Variants in CYB5RL observed in about 807,000 individuals in gnomAD.
CYB5RL encodes cytochrome b5 reductase like, also known as NADH-cytochrome b5 reductase-like.
In CYB5RL, 38 loss-of-function variants were observed where a neutral mutation model predicts 37.5. The ratio of observed to expected loss-of-function variants is 1.01; its 90% confidence interval spans 0.78 to 1.33. CYB5RL has a LOEUF of 1.33. CYB5RL is among the 40% of genes most tolerant of loss of function. CYB5RL has a pLI of 0.00. For synonymous variants in CYB5RL, 141 were observed against 151.9 expected, an observed-to-expected ratio of 0.93 and a Z score of 0.53; for missense variants, 388 against 394.4, an observed-to-expected ratio of 0.98 and a Z score of 0.14.
chr1:54,178,947 G>A (rs994013343), intron 7 of CYB5RL, among the ~76,000 whole-genome samples: 2 of 152,212 alleles, frequency 1.3e-5, no homozygotes, highest in Non-Finnish European at 2.9e-5. Flanking sequence ...CCGGTGGGCA[G>A]CTTCACCCAC....
chr1:54,184,029 T>C (rs1660231559), intron 6 of CYB5RL, 132 bp downstream of exon 6: 1 of 592,172 alleles, frequency 1.7e-6, no homozygotes, highest in East Asian at 3.1e-5. Flanking sequence ...TCTTCTCCCA[T>C]GTCCAACCCC....
At chr1:54,178,471 TC>T (rs1412887179) in intron 7 of CYB5RL, among the ~76,000 whole-genome samples, 1 of 151,814 alleles carries the variant, frequency 6.6e-6, no homozygotes, top group Non-Finnish European at 1.5e-5. Context: ...GGGCAGACAA[TC>T]CCCCATGCTC....
intron 7 of CYB5RL, among the ~76,000 whole-genome samples, chr1:54,175,326 C>G (rs1315487965): frequency 6.6e-6 from 1 of 152,216 alleles, no homozygotes; most frequent in Non-Finnish European, 1.5e-5. Context: ...GGGGATATGG[C>G]AGCTGCTCAG....
intron 7 of CYB5RL, chr1:54,175,656 A>T (rs761809076): frequency 2.2e-6 from 1 of 446,072 alleles, no homozygotes; most frequent in South Asian, 1.6e-5. Flanking sequence ...TGTGGATTCA[A>T]CCAACTGTGG....
Position 54,188,090 on chromosome 1 carries a change from A to G in CYB5RL, c.348-351T>C, listed in dbSNP as rs150288015. On this transcript the variant is annotated intron_variant, in intron 4 of 7. Coordinates refer to ENST00000534324, the MANE Select transcript of CYB5RL (RefSeq NM_001031672.4). ...AGACTCTGTCTCAAACAAACAAACA[A>G]CTGCAAATCCTTATGAGGTAACTCC... 8.1e-3 allele frequency among the ~76,000 whole-genome samples: 1,227 copies of G among 152,268 alleles called. 18 individuals carry two copies. The highest frequency in any genetic ancestry group is 0.028 in the African/African-American group (1,173 of 41,546).
rs1643997859 is a variant in CYB5RL, at chr1:54,195,421, G to A, written c.196C>T (p.Gln66Ter). The change falls in exon 3 of 8, where the codon CAG becomes TAG. Residue 66 changes from glutamine to a stop codon, truncating the protein, a stop_gained and splice_region_variant. Transcript: ENST00000534324. LOFTEE classifies it high-confidence loss of function. ...TATCGAGAAGCAGCCTCTCTCACCT[G>A]TGACTCTGGCCCACGCAGCAGGCTC... ...DRSLLRGPES[Q>*]SCPSKLNPET... 2.5e-6 allele frequency: 4 copies of A among 1,588,390 alleles called. No homozygotes were observed. The highest frequency in any genetic ancestry group is 3.4e-6 in the Non-Finnish European group (4 of 1,163,074).
At chr1:54,190,295 C>T (rs1643939123) in intron 4 of CYB5RL, among the ~76,000 whole-genome samples, 1 of 152,204 alleles carries the variant, frequency 6.6e-6, no homozygotes, top group Non-Finnish European at 1.5e-5. Context: ...GCTGGGCAAG[C>T]CCTTTATTCT....
At chr1:54,197,302 T>C (rs1475270073) in intron 1 of CYB5RL, among the ~76,000 whole-genome samples, 1 of 145,554 alleles carries the variant, frequency 6.9e-6, no homozygotes, top group African/African-American at 2.6e-5. Flanking sequence ...AACACTTTTC[T>C]TTTTCTTTTC....
chr1:54,181,127 T>G (rs1182352749), intron 6 of CYB5RL, among the ~76,000 whole-genome samples: 1 of 152,248 alleles, frequency 6.6e-6, no homozygotes. Context: ...GCTGTGTCTG[T>G]GCTCTCTCCA....
chr1:54,171,530 C>T lies in CYB5RL; in HGVS notation c.*3089G>A, dbSNP rs965481742. On this transcript the variant is annotated 3_prime_UTR_variant, in exon 8 of 8. Coordinates refer to ENST00000534324, the MANE Select transcript of CYB5RL (RefSeq NM_001031672.4). ...GTGAGGGCTGAACTAAAGCCAATGCCGCTTCTGCGACCAAGAATCTGTCCT... is the reference window on the plus strand; with the variant it reads ...GTGAGGGCTGAACTAAAGCCAATGCTGCTTCTGCGACCAAGAATCTGTCCT... 2.4e-5 allele frequency: 10 copies of T among 421,394 alleles called. No homozygotes were observed. The highest frequency in any genetic ancestry group is 8.4e-5 in the South Asian group (5 of 59,456). 26.1% of individuals were successfully genotyped at this position (421,394 alleles called of 1,614,324 possible). A position where few individuals can be genotyped will look rare whatever the true frequency, so the allele number is the denominator to read the frequency against.
chr1:54,188,047 G>C (rs1001135007), intron 4 of CYB5RL, among the ~76,000 whole-genome samples: 3 of 152,192 alleles, frequency 2.0e-5, no homozygotes. Flanking sequence ...CTGCACTCCA[G>C]CCTGGGCAAA....
At chr1:54,199,653 G>A (rs1014480458) in intron 1 of CYB5RL, among the ~76,000 whole-genome samples, 9 of 152,182 alleles carry the variant, frequency 5.9e-5, no homozygotes, top group African/African-American at 2.2e-4. Flanking sequence ...GGCGAATTGG[G>A]AAATCCAGAG....
intron 5 of CYB5RL, among the ~76,000 whole-genome samples, chr1:54,186,635 G>A (rs1034243449): frequency 2.0e-5 from 3 of 152,158 alleles, no homozygotes; most frequent in East Asian, 1.9e-4. Context: ...AACACACCCC[G>A]ACAAGCAGCC....
At chr1:54,181,769 T>C (rs1334227917) in intron 6 of CYB5RL, among the ~76,000 whole-genome samples, 1 of 152,098 alleles carries the variant, frequency 6.6e-6, no homozygotes, top group Admixed American at 6.6e-5. Flanking sequence ...CTGGGCAACA[T>C]GGTGAAATCC....
At position 54,171,380 on chromosome 1, in the gene CYB5RL, CA is replaced by C. The variant is rs760726759; in HGVS notation, c.*3238del. 16 of 456,230 alleles carry C rather than the reference CA, an allele frequency of 3.5e-5. No homozygotes were observed. Among genetic ancestry groups the C allele is most frequent in the African/African-American group, 3.0e-4 (15 of 50,020 alleles). The allele number at this position is 456,230 out of a possible 1,614,324, so 28.3% of individuals were successfully genotyped here. ...CAGGGAGACAGGGAAGGATTTCAAGCAGGGGAGTGACAGGCTTGGATTTGTG... is the reference window on the plus strand; with the variant it reads ...CAGGGAGACAGGGAAGGATTTCAAGCGGGGAGTGACAGGCTTGGATTTGTG... On this transcript the variant is annotated 3_prime_UTR_variant, in exon 8 of 8. Coordinates refer to ENST00000534324, the MANE Select transcript of CYB5RL (RefSeq NM_001031672.4).
chr1:54,169,950 T>C lies in CYB5RL; in HGVS notation c.*4669A>G, dbSNP rs192498451. 130 of 152,350 alleles carry C rather than the reference T, an allele frequency of 8.5e-4. No homozygotes were observed. The highest frequency in any genetic ancestry group is 3.0e-3 in the African/African-American group (123 of 41,582). 9.4% of individuals were successfully genotyped at this position (152,350 alleles called of 1,614,324 possible). On this transcript the variant is annotated 3_prime_UTR_variant, in exon 8 of 8. Coordinates refer to ENST00000534324, the MANE Select transcript of CYB5RL (RefSeq NM_001031672.4). The stretch of plus-strand genomic sequence containing the variant: ...TTTTTACAGTTTCCAAGTACAGGTA[T>C]CTCACTGTAGCTATCCTTTCACAAT...
intron 1 of CYB5RL, among the ~76,000 whole-genome samples, chr1:54,198,458 G>A (rs929776365): frequency 2.7e-5 from 4 of 150,924 alleles, no homozygotes; most frequent in African/African-American, 9.8e-5. Flanking sequence ...TCAGCCTCCC[G>A]AGTAGCTGGG....
At position 54,174,488 on chromosome 1, in the gene CYB5RL, C is replaced by T; in HGVS notation, c.*131G>A. ...GTAGAGGTTCTGAGCAGTAAAGACA[C>T]TTGCCCAAGGTCACCTGGCAAATGA... On this transcript the variant is annotated 3_prime_UTR_variant, in exon 8 of 8. Transcript: ENST00000534324. 1 of 1,074,328 alleles carries T rather than the reference C, an allele frequency of 9.3e-7. No homozygotes were observed. The highest frequency in any genetic ancestry group is 1.4e-6 in the Non-Finnish European group (1 of 730,310). 66.5% of individuals were successfully genotyped at this position (1,074,328 alleles called of 1,614,324 possible).
intron 4 of CYB5RL, among the ~76,000 whole-genome samples, chr1:54,189,767 G>C (rs1240384452): frequency 6.6e-6 from 1 of 152,176 alleles, no homozygotes; most frequent in East Asian, 1.9e-4. Context: ...TGAACTTCTA[G>C]GACTGCTGGC....
Sources: gnomAD v4.1 joint callset for allele counts (sites outside exome capture counted in the v4.1 genomes callset) on GRCh38, gnomAD v4.1.1 for gene constraint, MANE v1.5 for transcripts, NCBI Gene and HGNC (gene_info 2026-07-23, HGNC 2026-07-21) for gene names.